CCNB3: variants seen among roughly 807,000 people sequenced by gnomAD.
The protein encoded by CCNB3 is G2/mitotic-specific cyclin-B3.
A neutral mutation model predicts 68.0 loss-of-function variants in CCNB3; 12 were observed. The ratio of observed to expected loss-of-function variants is 0.18; its 90% CI spans 0.11 to 0.29. The LOEUF (loss-of-function observed/expected upper bound fraction) is 0.29. Ranked by LOEUF, CCNB3 falls within the 10% of genes least tolerant of loss-of-function variation. The pLI, the probability that CCNB3 is intolerant of heterozygous loss-of-function variation, is 1.00. For missense variants in CCNB3, 904 were observed against 993.1 expected, an observed-to-expected ratio of 0.91 and a Z score of 1.21; for synonymous variants, 354 against 388.9, an observed-to-expected ratio of 0.91 and a Z score of 1.06.
chrX:50,226,898 A>T (rs1242776821), intron 1 of CCNB3, among the ~76,000 whole-genome samples: 1 of 75,149 alleles, frequency 1.3e-5, no homozygotes, highest in Non-Finnish European at 2.3e-5. Flanking sequence ...TATAGTATAT[A>T]TATAGAATAT....
At position 50,279,689 on chromosome X, in the gene CCNB3, C is replaced by G. The variant is rs1240015201; in HGVS notation, c.-112-4853C>G. Among the ~76,000 whole-genome samples, 3 of 85,544 alleles carry G rather than the reference C, an allele frequency of 3.5e-5. No homozygotes were observed. The East Asian group carries it at 9.9e-4, about 28-fold the overall frequency. 74.3% of individuals were successfully genotyped at this position (85,544 alleles called of 115,157 possible). A position where few individuals can be genotyped will look rare whatever the true frequency, so the allele number is the denominator to read the frequency against. ...ATATGAATATGTACATTCATCTATGCAAACATATATGTGAATATGTATATT... is the reference window on the plus strand; with the variant it reads ...ATATGAATATGTACATTCATCTATGGAAACATATATGTGAATATGTATATT... On this transcript the variant is annotated intron_variant, in intron 1 of 12. Coordinates refer to ENST00000376042, the MANE Select transcript of CCNB3 (RefSeq NM_033031.3).
chrX:50,321,613 C>G (rs1922021896), intron 8 of CCNB3, among the ~76,000 whole-genome samples: 1 of 111,444 alleles, frequency 9.0e-6, no homozygotes, highest in African/African-American at 3.2e-5. Flanking sequence ...TATTTGTCTA[C>G]TCTAACATCA....
At chrX:50,225,351 C>G (rs970215358) in intron 1 of CCNB3, among the ~76,000 whole-genome samples, 1 of 111,253 alleles carries the variant, frequency 9.0e-6, no homozygotes, top group Admixed American at 9.7e-5. Flanking sequence ...GGTTGGAGAG[C>G]AGGGAATGCA....
intron 8 of CCNB3, among the ~76,000 whole-genome samples, chrX:50,331,029 C>A (rs1557217994): frequency 9.0e-6 from 1 of 111,521 alleles, no homozygotes; most frequent in Non-Finnish European, 1.9e-5. Context: ...GGTCCGGTAT[C>A]CCCACAAGTC....
chrX:50,342,042 A>T, intron 8 of CCNB3, 160 bp from the exon 9 acceptor site: 1 of 546,796 alleles, frequency 1.8e-6, no homozygotes, highest in Non-Finnish European at 3.1e-6. Flanking sequence ...CAGGAGATAT[A>T]CACAGGAACC....
intron 1 of CCNB3, among the ~76,000 whole-genome samples, chrX:50,208,107 C>T (rs1334251884): frequency 8.9e-6 from 1 of 112,176 alleles, no homozygotes; most frequent in Admixed American, 9.4e-5. Flanking sequence ...GAGGGAAGCT[C>T]ATTGGAGAAT....
Position 50,308,671 on chromosome X carries a change from G to A in CCNB3, c.502G>A (p.Asp168Asn). Reference sequence around the variant, plus strand: ...TTTAAAGGAGGAACCCACTATTGAGGATGAAACCCTTATCAATAAGTCATT... The same window carrying A: ...TTTAAAGGAGGAACCCACTATTGAGAATGAAACCCTTATCAATAAGTCATT... ...LVLKEEPTIE[D>N]ETLINKSLSL... The change falls in exon 6 of 13, where the codon GAT becomes AAT. Residue 168 changes from aspartate to asparagine, a missense_variant. Asp to Asn is a conservative substitution (Grantham distance 23). Transcript: ENST00000376042. 3 of 1,210,903 alleles carry A rather than the reference G, an allele frequency of 2.5e-6. No individual in the cohort carries two copies.
chrX:50,219,366 A>G (rs1423686284), intron 1 of CCNB3, among the ~76,000 whole-genome samples: 2 of 110,980 alleles, frequency 1.8e-5, no homozygotes, highest in African/African-American at 6.6e-5. Flanking sequence ...CCTGAATGGT[A>G]TTGCCTAGGT....
chrX:50,305,444 G>T (rs1557213391), intron 5 of CCNB3, among the ~76,000 whole-genome samples: 1 of 110,838 alleles, frequency 9.0e-6, no homozygotes, highest in African/African-American at 3.3e-5. Context: ...TCATAGGTGG[G>T]AATTGAACAA....
At chrX:50,297,988 T>A (rs1390143793) in intron 5 of CCNB3, among the ~76,000 whole-genome samples, 1 of 112,038 alleles carries the variant, frequency 8.9e-6, no homozygotes, top group Non-Finnish European at 1.9e-5. Flanking sequence ...TTTTGTATCC[T>A]GAGAATTTGC....
intron 8 of CCNB3, among the ~76,000 whole-genome samples, chrX:50,325,407 C>G (rs868961241): frequency 4.5e-5 from 5 of 111,886 alleles, no homozygotes; most frequent in Admixed American, 1.9e-4. Context: ...TTTAGGTTTT[C>G]CAGCAAAGGT....
chrX:50,301,659 G>A (rs1470483855), intron 5 of CCNB3, among the ~76,000 whole-genome samples: 3 of 112,429 alleles, frequency 2.7e-5, no homozygotes, highest in Non-Finnish European at 3.8e-5. Context: ...TCTCTTCAAA[G>A]CTGTCAGACA....
chrX:50,224,031 C>CT (rs1935714134), intron 1 of CCNB3, among the ~76,000 whole-genome samples: 3 of 110,787 alleles, frequency 2.7e-5, no homozygotes, highest in Admixed American at 9.6e-5. Flanking sequence ...TTGGTATTGT[C>CT]TTTTTTTTCA....
intron 1 of CCNB3, among the ~76,000 whole-genome samples, chrX:50,228,369 T>A (rs1935965339): frequency 1.2e-5 from 1 of 86,123 alleles, no homozygotes; most frequent in African/African-American, 4.1e-5. Flanking sequence ...TATATATACA[T>A]AATATATAGA....
chrX:50,280,799 A>T (rs1228613487), intron 1 of CCNB3, among the ~76,000 whole-genome samples: 1 of 110,849 alleles, frequency 9.0e-6, no homozygotes, highest in Non-Finnish European at 1.9e-5. Context: ...TCAGTCTGTC[A>T]CCCAGGCTGG....
At chrX:50,307,375 G>T (rs1182597741) in intron 5 of CCNB3, among the ~76,000 whole-genome samples, 1 of 111,163 alleles carries the variant, frequency 9.0e-6, no homozygotes, top group Admixed American at 9.6e-5. Context: ...ACTTGCCCAA[G>T]GTCACCCAGT....
intron 1 of CCNB3, among the ~76,000 whole-genome samples, chrX:50,219,751 C>T (rs1478527022): frequency 1.8e-5 from 2 of 111,374 alleles, no homozygotes; most frequent in African/African-American, 3.3e-5. Flanking sequence ...CTTGGCTATC[C>T]GGGCTCTTTT....
intron 8 of CCNB3, among the ~76,000 whole-genome samples, chrX:50,324,189 C>T (rs1247596188): frequency 9.0e-6 from 1 of 111,325 alleles, no homozygotes; most frequent in Non-Finnish European, 1.9e-5. Context: ...GGATTACAGG[C>T]GTGCGCCACT....
chrX:50,313,842 C>G lies in CCNB3; in HGVS notation c.3424-14C>G, dbSNP rs1557215417. 3.5e-6 allele frequency: 4 copies of G among 1,145,835 alleles called. No homozygotes were observed. The highest frequency in any genetic ancestry group is 1.9e-5 in the South Asian group (1 of 54,009). The allele number at this position is 1,145,835 out of a possible 1,213,427, so 94.4% of individuals were successfully genotyped here. On this transcript the variant is annotated splice_polypyrimidine_tract_variant and intron_variant, in intron 7 of 12. Transcript: ENST00000376042. ...AGAGTTTATTTATTAACATTTCTTTCTCATCAATGCCAGGAACAGTTTATA... is the reference window on the plus strand; with the variant it reads ...AGAGTTTATTTATTAACATTTCTTTGTCATCAATGCCAGGAACAGTTTATA...
Sources: gnomAD v4.1 joint callset for allele counts (sites outside exome capture counted in the v4.1 genomes callset) on GRCh38, gnomAD v4.1.1 for gene constraint, MANE v1.5 for transcripts, NCBI Gene and HGNC (gene_info 2026-07-23, HGNC 2026-07-21) for gene names.